KCNH1: variants seen among roughly 807,000 people sequenced by gnomAD.
The protein encoded by KCNH1 is voltage-gated delayed rectifier potassium channel KCNH1.
A neutral mutation model predicts 69.2 loss-of-function variants in KCNH1; 27 were observed. That is an observed-to-expected ratio of 0.39 (90% CI 0.29 to 0.54). KCNH1 has a LOEUF of 0.54. Ranked by LOEUF, KCNH1 falls within the 20% of genes least tolerant of loss-of-function variation. The pLI, the probability that KCNH1 is intolerant of heterozygous loss-of-function variation, is 0.68. For synonymous variants in KCNH1, 456 were observed against 487.7 expected, an observed-to-expected ratio of 0.93 and a Z score of 0.86; for missense variants, 798 against 1,261.6, an observed-to-expected ratio of 0.63 and a Z score of 5.57.
At chr1:210,865,538 T>C (rs917894793) in intron 7 of KCNH1, among the ~76,000 whole-genome samples, 1 of 152,084 alleles carries the variant, frequency 6.6e-6, no homozygotes, top group Non-Finnish European at 1.5e-5. Flanking sequence ...AAGGCAGCTG[T>C]TCATTTGATG....
chr1:211,028,319 A>T (rs1689720639), intron 5 of KCNH1, among the ~76,000 whole-genome samples: 1 of 152,104 alleles, frequency 6.6e-6, no homozygotes, highest in Admixed American at 6.6e-5. Flanking sequence ...AGTACTACAA[A>T]AAGGGAAATG....
intron 7 of KCNH1, among the ~76,000 whole-genome samples, chr1:210,833,968 G>A (rs1409519053): frequency 3.9e-5 from 6 of 152,200 alleles, no homozygotes; most frequent in Non-Finnish European, 5.9e-5. Context: ...AGAAATGCAA[G>A]TCAAAACCAC....
chr1:210,778,530 CA>C lies in KCNH1; in HGVS notation c.1916-2987del, dbSNP rs10679033. ...TGGGCTACAGAGCAAGACTCTGTCT[CA>C]AAAAAAAAAAAAAAAAATTACCTGC... On this transcript the variant is annotated intron_variant, in intron 9 of 10. Coordinates refer to ENST00000271751, the MANE Select transcript of KCNH1 (RefSeq NM_172362.3). 4.0e-3 allele frequency among the ~76,000 whole-genome samples: 484 copies of C among 122,358 alleles called. 1 individual carries two copies. The highest frequency in any genetic ancestry group is 7.1e-3 in the East Asian group (27 of 3,816). 80.3% of individuals were successfully genotyped at this position (122,358 alleles called of 152,430 possible). A position where few individuals can be genotyped will look rare whatever the true frequency, so the allele number is the denominator to read the frequency against.
intron 9 of KCNH1, among the ~76,000 whole-genome samples, chr1:210,781,646 C>A (rs1404886538): frequency 6.6e-6 from 1 of 152,198 alleles, no homozygotes. Context: ...TTCAGGGGGA[C>A]AATGACAAGG....
Position 210,683,843 on chromosome 1 carries a change from G to T in KCNH1, c.2408C>A (p.Ala803Asp), listed in dbSNP as rs755800500. 6.2e-7 allele frequency: 1 copy of T among 1,613,920 alleles called. No individual in the cohort carries two copies. Among genetic ancestry groups the T allele is most frequent in the Non-Finnish European group, 8.5e-7 (1 of 1,180,056 alleles). Residue 803 changes from alanine to aspartate, a missense_variant, in exon 11 of 11, where the codon GCC becomes GAC. By Grantham distance (126) the Ala-to-Asp change is moderately radical. Coordinates refer to ENST00000271751, the MANE Select transcript of KCNH1 (RefSeq NM_172362.3). This position sits in a 1 kb window ranked among gnomAD's most constrained non-coding sequence, Gnocchi z 5.7. ...SPATPVSFQA[A>D]STSGVPDHAK... ...GTGGTCTGGCACCCCGGAGGTGGAG[G>T]CTGCCTGGAAGGATACGGGCGTGGC... is the stretch of plus-strand genomic sequence containing the variant.
At chr1:210,845,169 T>C (rs1685510220) in intron 7 of KCNH1, among the ~76,000 whole-genome samples, 1 of 152,178 alleles carries the variant, frequency 6.6e-6, no homozygotes, top group Non-Finnish European at 1.5e-5. Flanking sequence ...GCTGGTACCA[T>C]TCCTTCTGAA....
chr1:210,716,244 C>T (rs998558898), intron 10 of KCNH1, among the ~76,000 whole-genome samples: 4 of 151,786 alleles, frequency 2.6e-5, no homozygotes, highest in African/African-American at 9.7e-5. Context: ...CCATCCTGGC[C>T]AACACGGTGA....
At chr1:210,788,634 A>G (rs922657324) in intron 9 of KCNH1, among the ~76,000 whole-genome samples, 2 of 151,252 alleles carry the variant, frequency 1.3e-5, no homozygotes, top group Non-Finnish European at 2.9e-5. Context: ...TACCTGATAC[A>G]AGTGGTTTTG....
chr1:210,731,005 G>T (rs550138364), intron 10 of KCNH1, among the ~76,000 whole-genome samples: 2 of 152,280 alleles, frequency 1.3e-5, no homozygotes, highest in African/African-American at 4.8e-5. Flanking sequence ...TAAAGATGAG[G>T]TGTCTGTGGT....
intron 3 of KCNH1, among the ~76,000 whole-genome samples, chr1:211,103,254 A>G (rs1348975650): frequency 3.9e-5 from 6 of 152,226 alleles, no homozygotes; most frequent in Admixed American, 1.3e-4. Context: ...ACTAAGTCTC[A>G]GCAACAACAA....
rs1681278066 is a variant in KCNH1, at chr1:210,681,882, G to A, written c.*1399C>T. 1 of 152,220 alleles carries A rather than the reference G, an allele frequency of 6.6e-6. No homozygotes were observed. The highest frequency in any genetic ancestry group is 2.4e-5 in the African/African-American group (1 of 41,444). 9.4% of individuals were successfully genotyped at this position (152,220 alleles called of 1,614,324 possible). On this transcript the variant is annotated 3_prime_UTR_variant, in exon 11 of 11. Transcript: ENST00000271751. ...GGCCAGCTCCACTGTGCCTGGAAGA[G>A]ACTTCACTCCTTTCCTTTCTCAGAT...
chr1:210,999,038 C>G (rs1354492676), intron 6 of KCNH1, among the ~76,000 whole-genome samples: 1 of 152,182 alleles, frequency 6.6e-6, no homozygotes, highest in Non-Finnish European at 1.5e-5. Flanking sequence ...ATTTATAGCA[C>G]TACATGCCCA....
chr1:210,820,032 C>G (rs900887228), intron 7 of KCNH1, among the ~76,000 whole-genome samples: 9 of 152,208 alleles, frequency 5.9e-5, no homozygotes, highest in Non-Finnish European at 1.0e-4. Flanking sequence ...TAGCCAATAT[C>G]TGACTGCAAC....
At chr1:210,849,365 C>CTTTTTTTT (rs150451228) in intron 7 of KCNH1, among the ~76,000 whole-genome samples, 7 of 128,036 alleles carry the variant, frequency 5.5e-5, no homozygotes, top group South Asian at 2.5e-4. Flanking sequence ...TTCTTTCTTT[C>CTTTTTTTT]TTTTTTTTTT....
At chr1:211,098,846 T>C (rs1042250708) in intron 3 of KCNH1, among the ~76,000 whole-genome samples, 25 of 152,328 alleles carry the variant, frequency 1.6e-4, no homozygotes, top group Admixed American at 1.6e-3. Context: ...AAAGTTATAC[T>C]ATTCAATGCT....
At chr1:210,989,454 T>C (rs994925383) in intron 6 of KCNH1, among the ~76,000 whole-genome samples, 1 of 152,202 alleles carries the variant, frequency 6.6e-6, no homozygotes, top group Non-Finnish European at 1.5e-5. Flanking sequence ...ACTCAAATAT[T>C]GAGTTGCTTC....
intron 1 of KCNH1, among the ~76,000 whole-genome samples, chr1:211,107,732 G>A (rs1691383995): frequency 6.6e-6 from 1 of 152,188 alleles, no homozygotes; most frequent in South Asian, 2.1e-4. Context: ...CAGAGCAAGA[G>A]AGAGCCCAAA....
At chr1:211,083,694 G>A (rs1302239516) in intron 4 of KCNH1, among the ~76,000 whole-genome samples, 1 of 152,190 alleles carries the variant, frequency 6.6e-6, no homozygotes, top group Non-Finnish European at 1.5e-5. Context: ...CAAAAACCCA[G>A]ATGTGGGGTA....
At chr1:211,005,294 C>T (rs1689260142) in intron 6 of KCNH1, among the ~76,000 whole-genome samples, 1 of 151,962 alleles carries the variant, frequency 6.6e-6, no homozygotes, top group African/African-American at 2.4e-5. Context: ...TGGAAAATTC[C>T]AAGCCCAGAT....
Sources: allele counts gnomAD v4.1 joint callset (sites outside exome capture counted in the v4.1 genomes callset), GRCh38; gene constraint gnomAD v4.1.1; non-coding constraint Gnocchi (gnomAD v3.1); transcripts MANE v1.5; gene names NCBI Gene and HGNC (gene_info 2026-07-23, HGNC 2026-07-21).